Variants in SPMIP3 observed in about 807,000 individuals in gnomAD.
SPMIP3 encodes the protein protein SPMIP3.
At chr1:244,366,884 AAAAG>A in the SPMIP3 span, among the ~76,000 whole-genome samples, 35 of 152,352 alleles carry the variant, frequency 2.3e-4, no homozygotes, top group East Asian at 2.1e-3. Flanking sequence ...TGTCTCAAAA[AAAAG>A]AAAGAAAGAA....
the SPMIP3 span, among the ~76,000 whole-genome samples, chr1:244,372,681 G>T: frequency 6.6e-6 from 1 of 152,074 alleles, no homozygotes; most frequent in Admixed American, 6.6e-5. Context: ...CTGACCTTGC[G>T]ATCCGCCCGC....
chr1:244,388,960 A>G, the SPMIP3 span: 1 of 1,613,206 alleles, frequency 6.2e-7, no homozygotes, highest in Non-Finnish European at 8.5e-7. Flanking sequence ...GATTGGAACC[A>G]GAAATTAGCC....
At chr1:244,360,879 G>C in the SPMIP3 span, among the ~76,000 whole-genome samples, 1 of 73,946 alleles carries the variant, frequency 1.4e-5, no homozygotes, top group East Asian at 3.7e-4. Context: ...GTGAGACTCC[G>C]TCTCAAAAAA....
At chr1:244,375,281 T>C in the SPMIP3 span, 2 of 1,035,634 alleles carry the variant, frequency 1.9e-6, no homozygotes, top group African/African-American at 3.2e-5. Flanking sequence ...AAAGACCAAA[T>C]ACGTTTTGTA....
the SPMIP3 span, among the ~76,000 whole-genome samples, chr1:244,373,331 A>ATT: frequency 0.096 from 3,785 of 39,548 alleles, 685 homozygotes; most frequent in African/African-American, 0.2. Flanking sequence ...ACAAAAAAAA[A>ATT]TTATATATAT....
the SPMIP3 span, among the ~76,000 whole-genome samples, chr1:244,379,689 C>T: frequency 6.6e-6 from 1 of 152,058 alleles, no homozygotes; most frequent in African/African-American, 2.4e-5. Context: ...TAAAAAAATA[C>T]TGAAAGGGGG....
chr1:244,380,985 C>A, the SPMIP3 span, among the ~76,000 whole-genome samples: 1 of 151,002 alleles, frequency 6.6e-6, no homozygotes, highest in Non-Finnish European at 1.5e-5. Flanking sequence ...CTGATCACGG[C>A]GGGAGCTGAG....
At chr1:244,360,079 A>G in the SPMIP3 span, among the ~76,000 whole-genome samples, 1 of 152,180 alleles carries the variant, frequency 6.6e-6, no homozygotes, top group Non-Finnish European at 1.5e-5. Flanking sequence ...ACTGCACTCC[A>G]GCCTGGCAAC....
the SPMIP3 span, among the ~76,000 whole-genome samples, chr1:244,361,468 A>T: frequency 1.1e-3 from 170 of 152,192 alleles, 1 homozygote; most frequent in East Asian, 0.017. Flanking sequence ...ACCTCAAGTC[A>T]TCTGCCCACC....
the SPMIP3 span, among the ~76,000 whole-genome samples, chr1:244,386,003 AACACACAC>A: frequency 0.067 from 9,709 of 145,714 alleles, 886 homozygotes; most frequent in East Asian, 0.41. Context: ...ATCTCTACAA[AACACACAC>A]ACACACACAC....
the SPMIP3 span, among the ~76,000 whole-genome samples, chr1:244,360,258 C>T: frequency 3.3e-5 from 5 of 152,216 alleles, no homozygotes; most frequent in African/African-American, 7.2e-5. Context: ...AACCTTCATA[C>T]GCTGTTGGTA....
the SPMIP3 span, among the ~76,000 whole-genome samples, chr1:244,384,309 T>A: frequency 6.6e-6 from 1 of 152,116 alleles, no homozygotes; most frequent in Non-Finnish European, 1.5e-5. Context: ...GCTCAAGTGA[T>A]CCTCCTCCCT....
At chr1:244,366,509 C>T in the SPMIP3 span, among the ~76,000 whole-genome samples, 1 of 152,194 alleles carries the variant, frequency 6.6e-6, no homozygotes, top group Admixed American at 6.6e-5. Flanking sequence ...GTTTGGTCAA[C>T]AAAAGAGAAG....
At chr1:244,378,610 G>A in the SPMIP3 span, 4 of 1,613,806 alleles carry the variant, frequency 2.5e-6, no homozygotes, top group Non-Finnish European at 3.4e-6. Flanking sequence ...ACTTACCGAC[G>A]AGACTATTCT....
the SPMIP3 span, among the ~76,000 whole-genome samples, chr1:244,388,081 C>T: frequency 5.3e-5 from 8 of 151,960 alleles, no homozygotes; most frequent in Admixed American, 2.6e-4. Context: ...GCACCTGCCA[C>T]CACGCCCGGC....
the SPMIP3 span, among the ~76,000 whole-genome samples, chr1:244,360,509 T>TATAC: frequency 2.7e-4 from 16 of 59,152 alleles, no homozygotes; most frequent in Non-Finnish European, 4.5e-4. Flanking sequence ...AAACGTGATA[T>TATAC]ACACACACAC....
chr1:244,359,861 A>G, the SPMIP3 span, among the ~76,000 whole-genome samples: 1 of 152,144 alleles, frequency 6.6e-6, no homozygotes, highest in African/African-American at 2.4e-5. Flanking sequence ...CTGTAATCCC[A>G]GCACTTTGGG....
the SPMIP3 span, among the ~76,000 whole-genome samples, chr1:244,363,007 CT>C: frequency 7.7e-5 from 11 of 142,760 alleles, no homozygotes; most frequent in Admixed American, 1.4e-4. Flanking sequence ...CCACACCAGG[CT>C]TTTTTTTTTG....
chr1:244,360,556 A>G, the SPMIP3 span, among the ~76,000 whole-genome samples: 16 of 24,232 alleles, frequency 6.6e-4, no homozygotes, highest in South Asian at 1.5e-3. Context: ...ACACACACAC[A>G]CATGCATGCA....
Sources: allele counts gnomAD v4.1 joint callset (sites outside exome capture counted in the v4.1 genomes callset), GRCh38; gene constraint gnomAD v4.1.1; transcripts MANE v1.5; gene names NCBI Gene and HGNC (gene_info 2026-07-23, HGNC 2026-07-21).